The following ABCD2 variants were observed in gnomAD, a reference collection of about 807,000 sequenced individuals.
ABCD2 encodes ATP binding cassette subfamily D member 2.
A neutral mutation model predicts 70.9 loss-of-function variants in ABCD2; 36 were observed. The ratio of observed to expected loss-of-function variants is 0.51; its 90% CI spans 0.39 to 0.67. The LOEUF (loss-of-function observed/expected upper bound fraction) is 0.67, where lower values mean the gene tolerates loss of function less well. Among genes scored for constraint, ABCD2 ranks in the 30% least tolerant of loss-of-function variants. The probability of loss-of-function intolerance (pLI) is 0.00; values close to 1 mark genes in which losing one functional copy is unlikely to be tolerated. For missense variants in ABCD2, 729 were observed against 890.2 expected (o/e 0.82, Z 2.30); for synonymous variants, 304 against 306.9 (o/e 0.99, Z 0.10).
chr12:39,540,885 A>G, the ABCD2 span, among the ~76,000 whole-genome samples: 1 of 152,260 alleles, frequency 6.6e-6, no homozygotes, highest in Admixed American at 6.5e-5. Context: ...CCTAAAATGT[A>G]TAAAACCAAG....
intron 6 of ABCD2, among the ~76,000 whole-genome samples, chr12:39,599,300 G>T (rs1260794415): frequency 6.6e-6 from 1 of 152,120 alleles, no homozygotes. Context: ...CAAGAGAATA[G>T]AATTCTATAA....
chr12:39,541,131 G>T, the ABCD2 span, among the ~76,000 whole-genome samples: 1 of 152,174 alleles, frequency 6.6e-6, no homozygotes, highest in Non-Finnish European at 1.5e-5. Context: ...GCATGAAACT[G>T]ATGATCTAGT....
At position 39,601,142 on chromosome 12, in the gene ABCD2, A is replaced by G. The variant is rs1377825564; in HGVS notation, c.1501-426T>C. Among the ~76,000 whole-genome samples, 2 of 152,098 alleles carry G rather than the reference A, an allele frequency of 1.3e-5. 1 individual carries two copies. The highest frequency in any genetic ancestry group is 1.3e-4 in the Admixed American group (2 of 15,272). ...AAATTAACTGCAATTAATAGCTACA[A>G]AGCACAGTTATCCAAGGAGTCAGCT... is the stretch of plus-strand genomic sequence containing the variant. On this transcript the variant is annotated intron_variant, in intron 5 of 9. Transcript: ENST00000308666.
chr12:39,569,937 C>T (rs987318457), intron 9 of ABCD2, among the ~76,000 whole-genome samples: 2 of 152,094 alleles, frequency 1.3e-5, no homozygotes, highest in African/African-American at 4.8e-5. Context: ...TTTCTCTACA[C>T]TGACAGCAAA....
chr12:39,562,253 TAAAC>T (rs912242545), intron 9 of ABCD2, among the ~76,000 whole-genome samples: 2 of 151,558 alleles, frequency 1.3e-5, no homozygotes, highest in African/African-American at 2.4e-5. Context: ...AAATGTCAAA[TAAAC>T]AACCTAATAT....
At chr12:39,608,513 C>T (rs1189363515) in intron 2 of ABCD2, among the ~76,000 whole-genome samples, 1 of 151,832 alleles carries the variant, frequency 6.6e-6, no homozygotes, top group Non-Finnish European at 1.5e-5. Flanking sequence ...ATGGTGAAAC[C>T]CCATCTCTAC....
At chr12:39,603,605 A>T (rs1372074047) in intron 5 of ABCD2, among the ~76,000 whole-genome samples, 1 of 152,066 alleles carries the variant, frequency 6.6e-6, no homozygotes, top group Non-Finnish European at 1.5e-5. Flanking sequence ...TAATTTCTAT[A>T]AGGCAAAAAA....
At chr12:39,605,027 A>C in intron 3 of ABCD2, 97 bp from the exon 4 acceptor site, 1 of 1,009,190 alleles carries the variant, frequency 9.9e-7, no homozygotes, top group Non-Finnish European at 1.4e-6. Context: ...TTAATGTAAA[A>C]GATTATATTG....
intron 6 of ABCD2, among the ~76,000 whole-genome samples, chr12:39,592,344 G>T (rs1269677320): frequency 6.6e-6 from 1 of 152,196 alleles, no homozygotes; most frequent in Non-Finnish European, 1.5e-5. Context: ...AAAATAAATA[G>T]ATTGCTCATA....
At chr12:39,538,649 A>T in the ABCD2 span, among the ~76,000 whole-genome samples, 10,335 of 152,074 alleles carry the variant, frequency 0.068, 538 homozygotes, top group South Asian at 0.28. Context: ...AATATAGGGG[A>T]TAAGTGAGAA....
chr12:39,531,833 C>G, the ABCD2 span, among the ~76,000 whole-genome samples: 18 of 152,330 alleles, frequency 1.2e-4, no homozygotes, highest in East Asian at 3.1e-3. Context: ...TGTGACAACC[C>G]CAAACAACCC....
chr12:39,563,601 G>C (rs1422423210), intron 9 of ABCD2, among the ~76,000 whole-genome samples: 2 of 151,960 alleles, frequency 1.3e-5, no homozygotes, highest in South Asian at 4.2e-4. Context: ...AAGATAAATT[G>C]TTCCTGGCTG....
rs575896435 is a variant in ABCD2 at position 39,560,411 on chromosome 12, T to G, written c.2004-6280A>C. 2.6e-5 allele frequency among the ~76,000 whole-genome samples: 4 copies of G among 152,308 alleles called. No homozygotes were observed. In the South Asian group the frequency reaches 8.3e-4, roughly 32 times the overall value. On this transcript the variant is annotated intron_variant, in intron 9 of 9. Coordinates refer to ENST00000308666, the MANE Select transcript of ABCD2 (RefSeq NM_005164.4). ...ACATTTTCTTAATCCAGTCTATCATTGATGGACATTTGGGTTGGTTCCAAG... is the reference window on the plus strand; with the variant it reads ...ACATTTTCTTAATCCAGTCTATCATGGATGGACATTTGGGTTGGTTCCAAG...
chr12:39,573,541 T>C (rs1378082926), intron 9 of ABCD2, among the ~76,000 whole-genome samples, 175 bp downstream of exon 9: 1 of 152,152 alleles, frequency 6.6e-6, no homozygotes, highest in African/African-American at 2.4e-5. Flanking sequence ...ATTCAAATAA[T>C]ACACTAATGA....
At chr12:39,556,055 CAAAG>C (rs1290559064) in intron 9 of ABCD2, among the ~76,000 whole-genome samples, 2 of 152,126 alleles carry the variant, frequency 1.3e-5, no homozygotes, top group Non-Finnish European at 2.9e-5. Context: ...GGCTTACTGT[CAAAG>C]AACTTTTCTC....
chr12:39,589,671 G>A (rs1280264190), intron 6 of ABCD2, among the ~76,000 whole-genome samples: 1 of 152,068 alleles, frequency 6.6e-6, no homozygotes, highest in African/African-American at 2.4e-5. Flanking sequence ...ACAGGTGTGA[G>A]CCACCGCACC....
rs560271038 is a variant in ABCD2, at chr12:39,552,489, T to C, written c.*1423A>G. The C allele has an allele frequency of 3.9e-5, 6 of 152,064 alleles. No individual in the cohort carries two copies. The East Asian group carries it at 1.2e-3, about 29-fold the overall frequency. 9.4% of individuals were successfully genotyped at this position (152,064 alleles called of 1,614,324 possible). ...CCAGCTCCAGTGCACACAAATAGAA[T>C]AAAATCTATTTCATATGACTAGTCC... On this transcript the variant is annotated 3_prime_UTR_variant, in exon 10 of 10. Coordinates refer to ENST00000308666, the MANE Select transcript of ABCD2 (RefSeq NM_005164.4).
intron 3 of ABCD2, 95 bp downstream of exon 3, chr12:39,607,504 T>A: frequency 9.7e-7 from 1 of 1,034,634 alleles, no homozygotes; most frequent in Non-Finnish European, 1.4e-6. Context: ...AGAAAAGATA[T>A]GTTTCCAAAA....
intron 6 of ABCD2, among the ~76,000 whole-genome samples, chr12:39,599,034 C>A (rs1941859249): frequency 6.6e-6 from 1 of 152,070 alleles, no homozygotes; most frequent in African/African-American, 2.4e-5. Flanking sequence ...AAATAGAGTT[C>A]TCATTGTTAT....
Sources: allele counts gnomAD v4.1 joint callset (sites outside exome capture counted in the v4.1 genomes callset), GRCh38; gene constraint gnomAD v4.1.1; transcripts MANE v1.5; gene names NCBI Gene and HGNC (gene_info 2026-07-23, HGNC 2026-07-21).